TBC1D12: variants seen among roughly 807,000 people sequenced by gnomAD.
TBC1D12 encodes TBC1 domain family, member 12.
A neutral mutation model predicts 86.7 loss-of-function variants in TBC1D12; 56 were observed. The observed-to-expected ratio is 0.65, with a 90% CI of 0.52 to 0.81. TBC1D12 has a LOEUF of 0.81. Among genes scored for constraint, TBC1D12 ranks in the 30% least tolerant of loss-of-function variants. TBC1D12 has a pLI of 0.00. For missense variants in TBC1D12, 1,023 were observed against 1,038.8 expected, an observed-to-expected ratio of 0.98 and a Z score of 0.21; for synonymous variants, 421 against 411.7, an observed-to-expected ratio of 1.02 and a Z score of -0.27.
intron 3 of TBC1D12, among the ~76,000 whole-genome samples, chr10:94,478,389 AT>A: frequency 6.6e-6 from 1 of 152,084 alleles, no homozygotes; most frequent in Non-Finnish European, 1.5e-5. Flanking sequence ...GTGGTTAGAA[AT>A]CTTAAAGGCG....
At chr10:94,432,590 G>T (rs1025261693) in intron 1 of TBC1D12, among the ~76,000 whole-genome samples, 1 of 152,124 alleles carries the variant, frequency 6.6e-6, no homozygotes, top group African/African-American at 2.4e-5. Context: ...TTAGCAACTG[G>T]ATACCTGTGG....
chr10:94,514,460 CT>C (rs1264922921), intron 9 of TBC1D12, among the ~76,000 whole-genome samples: 28 of 152,322 alleles, frequency 1.8e-4, no homozygotes, highest in Non-Finnish European at 3.4e-4. Context: ...CTATTCTACT[CT>C]TTGCTTCTAT....
At chr10:94,427,084 T>C (rs1368276350) in intron 1 of TBC1D12, among the ~76,000 whole-genome samples, 2 of 152,232 alleles carry the variant, frequency 1.3e-5, no homozygotes, top group Non-Finnish European at 1.5e-5. Context: ...TGAAGGTATT[T>C]TACTCTTACT....
chr10:94,527,018 A>G (rs540188451), intron 11 of TBC1D12, among the ~76,000 whole-genome samples: 2 of 151,562 alleles, frequency 1.3e-5, no homozygotes, highest in African/African-American at 4.9e-5. Flanking sequence ...TCTGTTGGTC[A>G]TTTGTGTGTC....
At chr10:94,408,633 A>C (rs1248180383) in intron 1 of TBC1D12, among the ~76,000 whole-genome samples, 1 of 152,164 alleles carries the variant, frequency 6.6e-6, no homozygotes, top group Non-Finnish European at 1.5e-5. Flanking sequence ...TAGTTGACAA[A>C]ATCATAATTC....
At position 94,520,667 on chromosome 10, in the gene TBC1D12, C is replaced by CT. The variant is rs1213043622; in HGVS notation, c.1762-1278dup. On this transcript the variant is annotated intron_variant, in intron 9 of 12. Coordinates refer to ENST00000225235, the MANE Select transcript of TBC1D12 (RefSeq NM_015188.2). The stretch of plus-strand genomic sequence containing the variant: ...AGACAGAGTTATCATTGCAGGTGTT[C>CT]TTTTTTTTTTGAGACCGAGTCTCGC... Among the ~76,000 whole-genome samples, 1,045 of 149,270 alleles carry CT rather than the reference C, an allele frequency of 7.0e-3. 9 individuals are homozygous for CT. The highest frequency in any genetic ancestry group is 0.017 in the African/African-American group (701 of 40,860).
chr10:94,511,482 CT>C, intron 8 of TBC1D12, 100 bp from the exon 9 acceptor site: 1 of 767,260 alleles, frequency 1.3e-6, no homozygotes, highest in Non-Finnish European at 2.3e-6. Flanking sequence ...TATGCTAAAA[CT>C]AGTCATTTAG....
At chr10:94,522,973 G>A (rs1231238852) in intron 11 of TBC1D12, among the ~76,000 whole-genome samples, 1 of 150,662 alleles carries the variant, frequency 6.6e-6, no homozygotes, top group East Asian at 1.9e-4. Flanking sequence ...GAACCCAGGA[G>A]GCGGGAGGTT....
At chr10:94,469,079 A>G (rs1165754340) in intron 2 of TBC1D12, among the ~76,000 whole-genome samples, 1 of 152,248 alleles carries the variant, frequency 6.6e-6, no homozygotes, top group African/African-American at 2.4e-5. Context: ...AAGTTTATAA[A>G]TAAGCCATAA....
intron 12 of TBC1D12, among the ~76,000 whole-genome samples, chr10:94,532,084 G>C (rs534049609): frequency 1.3e-5 from 2 of 151,984 alleles, no homozygotes; most frequent in Admixed American, 1.3e-4. Context: ...GTTTCACTGT[G>C]TTAGCCAGGA....
chr10:94,526,849 A>G (rs1181498985), intron 11 of TBC1D12, among the ~76,000 whole-genome samples: 1 of 152,206 alleles, frequency 6.6e-6, no homozygotes, highest in African/African-American at 2.4e-5. Context: ...ATTCACAACA[A>G]CAGTGTATAA....
intron 2 of TBC1D12, among the ~76,000 whole-genome samples, chr10:94,445,942 G>A (rs1289924486): frequency 5.4e-5 from 8 of 149,268 alleles, no homozygotes; most frequent in Non-Finnish European, 1.0e-4. Flanking sequence ...GATTAAAACT[G>A]TCTCAAAAAA....
intron 1 of TBC1D12, among the ~76,000 whole-genome samples, chr10:94,418,205 C>T (rs1440253159): frequency 6.6e-6 from 1 of 152,110 alleles, no homozygotes; most frequent in Non-Finnish European, 1.5e-5. Flanking sequence ...TGGTTATCTC[C>T]AAGTAAATCT....
chr10:94,499,957 T>G (rs556107364), intron 5 of TBC1D12, among the ~76,000 whole-genome samples: 55 of 152,328 alleles, frequency 3.6e-4, no homozygotes, highest in African/African-American at 9.4e-4. Context: ...AATAATTGAC[T>G]GCATATTTCT....
rs71306819 is a variant in TBC1D12, at chr10:94,409,374, C to CTT, written c.971+5809_971+5810dup. The stretch of plus-strand genomic sequence containing the variant: ...ACTTTGAAGTGCTAAATTAAATTAA[C>CTT]TTTTTTTTTTTTTTTTTTTTGAGAC... On this transcript the variant is annotated intron_variant, in intron 1 of 12. Transcript: ENST00000225235. Among the ~76,000 whole-genome samples the CTT allele has an allele frequency of 4.8e-3, 598 of 125,368 alleles. 10 individuals carry two copies. The highest frequency in any genetic ancestry group is 0.013 in the Middle Eastern group (3 of 236). 82.2% of individuals were successfully genotyped at this position (125,368 alleles called of 152,430 possible).
Position 94,473,624 on chromosome 10 carries a change from C to T in TBC1D12, c.1096-1044C>T, listed in dbSNP as rs549168178. 1.6e-4 allele frequency among the ~76,000 whole-genome samples: 24 copies of T among 152,086 alleles called. 1 individual carries two copies. The East Asian group carries it at 2.5e-3, about 16-fold the overall frequency. Reference sequence around the variant, plus strand: ...TAGCCACCAGTGGACTTGCATAGTTCGTGAAATCATTGAGTAATATTTGAG... The same window carrying T: ...TAGCCACCAGTGGACTTGCATAGTTTGTGAAATCATTGAGTAATATTTGAG... On this transcript the variant is annotated intron_variant, in intron 2 of 12. Transcript: ENST00000225235.
intron 12 of TBC1D12, among the ~76,000 whole-genome samples, chr10:94,531,697 ATG>A (rs1453116440): frequency 2.3e-4 from 32 of 138,974 alleles, no homozygotes; most frequent in African/African-American, 7.6e-4. Flanking sequence ...ATGTTATTTT[ATG>A]TTATGTTATT....
intron 2 of TBC1D12, among the ~76,000 whole-genome samples, chr10:94,443,087 C>G (rs1334810036): frequency 6.6e-6 from 1 of 152,128 alleles, no homozygotes; most frequent in African/African-American, 2.4e-5. Context: ...GTCAAAAGCA[C>G]TAGCTGTTTA....
intron 1 of TBC1D12, among the ~76,000 whole-genome samples, chr10:94,405,965 C>G (rs72474872): frequency 0.01 from 1,579 of 152,080 alleles, 27 homozygotes; most frequent in East Asian, 0.061. Context: ...CACCCGCCAC[C>G]ACGCCTGGCT....
Sources: gnomAD v4.1 joint callset for allele counts (sites outside exome capture counted in the v4.1 genomes callset) on GRCh38, gnomAD v4.1.1 for gene constraint, MANE v1.5 for transcripts, NCBI Gene and HGNC (gene_info 2026-07-23, HGNC 2026-07-21) for gene names.